POLK: variants seen among roughly 807,000 people sequenced by gnomAD.
POLK encodes polymerase (DNA directed) kappa.
In POLK, 76 loss-of-function variants were observed where a neutral mutation model predicts 94.0. That is an observed-to-expected ratio of 0.81 (90% CI 0.67 to 0.98). The LOEUF (loss-of-function observed/expected upper bound fraction) is 0.98, where lower values mean the gene tolerates loss of function less well. POLK is among the 50% of genes least tolerant of loss of function. The probability of loss-of-function intolerance (pLI) is 0.00; values close to 1 mark genes in which losing one functional copy is unlikely to be tolerated. For synonymous variants in POLK, 349 were observed against 325.4 expected (o/e 1.07, Z -0.78); for missense variants, 954 against 1,010.1 (o/e 0.94, Z 0.75).
chr5:75,582,098 CA>C, intron 7 of POLK: 1 of 986,204 alleles, frequency 1.0e-6, no homozygotes, highest in Non-Finnish European at 1.2e-6. Flanking sequence ...GATTACATTG[CA>C]GGAGAGAACC....
chr5:75,601,529 C>A (rs1234870018), downstream of POLK, among the ~76,000 whole-genome samples: 1 of 152,164 alleles, frequency 6.6e-6, no homozygotes, highest in Non-Finnish European at 1.5e-5. Context: ...TCTGGTTGTG[C>A]ACCATCTAAT....
At chr5:75,607,187 C>T in the POLK span, among the ~76,000 whole-genome samples, 6 of 152,116 alleles carry the variant, frequency 3.9e-5, no homozygotes, top group Non-Finnish European at 8.8e-5. Flanking sequence ...GAAGTACTGG[C>T]CGGGTGCGGT....
At chr5:75,511,238 C>T (rs985517134), upstream of POLK, 2 of 1,609,788 alleles carry the variant, frequency 1.2e-6, no homozygotes, top group Non-Finnish European at 1.7e-6. Flanking sequence ...GGAGACCGGC[C>T]CCCGCTCCCT....
intron 11 of POLK, among the ~76,000 whole-genome samples, chr5:75,591,370 C>T (rs1342688972): frequency 6.6e-6 from 1 of 152,038 alleles, no homozygotes; most frequent in African/African-American, 2.4e-5. Flanking sequence ...TGATGAGTAT[C>T]TTTCTCTATC....
At chr5:75,542,374 A>G (rs1769782102) in intron 1 of POLK, among the ~76,000 whole-genome samples, 1 of 149,506 alleles carries the variant, frequency 6.7e-6, no homozygotes, top group African/African-American at 2.5e-5. Flanking sequence ...CTCTCTTATT[A>G]CTTTTGGTAT....
upstream of POLK, chr5:75,510,970 C>T: frequency 8.5e-7 from 1 of 1,177,884 alleles, no homozygotes; most frequent in Non-Finnish European, 1.1e-6. Flanking sequence ...ATCCCCGCCT[C>T]ATCCCTAGTC....
At chr5:75,550,918 A>G (rs966745391) in intron 2 of POLK, among the ~76,000 whole-genome samples, 1 of 152,142 alleles carries the variant, frequency 6.6e-6, no homozygotes, top group Non-Finnish European at 1.5e-5. Flanking sequence ...CAGTGCAGTC[A>G]GGCAATAAAA....
At chr5:75,571,532 T>C (rs1195316868) in intron 4 of POLK, among the ~76,000 whole-genome samples, 1 of 152,176 alleles carries the variant, frequency 6.6e-6, no homozygotes, top group Non-Finnish European at 1.5e-5. Flanking sequence ...TAACTGAGGC[T>C]AAAAAATCCA....
chr5:75,520,894 T>C (rs1454478117), intron 1 of POLK, among the ~76,000 whole-genome samples: 1 of 152,208 alleles, frequency 6.6e-6, no homozygotes, highest in African/African-American at 2.4e-5. Context: ...AATATAATAT[T>C]CTTCAATGGC....
At position 75,569,595 on chromosome 5, in the gene POLK, G is replaced by C. The variant is rs1319015802; in HGVS notation, c.408+103G>C. The C allele has an allele frequency of 5.8e-6, 6 of 1,030,690 alleles. No individual in the cohort carries two copies. In the South Asian group the frequency reaches 8.2e-5, roughly 14 times the overall value. The allele number at this position is 1,030,690 out of a possible 1,614,324, so 63.8% of individuals were successfully genotyped here. A position where few individuals can be genotyped will look rare whatever the true frequency, so the allele number is the denominator to read the frequency against. On this transcript the variant is annotated intron_variant, in intron 4 of 14. Coordinates refer to ENST00000241436, the Ensembl canonical transcript of POLK. ...CTTTATTGAGGTCTACCAGTTTGCT[G>C]AGTATTTTTCTGGGTGCCTTATATA...
the POLK span, among the ~76,000 whole-genome samples, chr5:75,607,724 C>A: frequency 7.2e-4 from 110 of 152,258 alleles, no homozygotes; most frequent in South Asian, 2.1e-4. Context: ...TTGAGACTTT[C>A]ACAAGAAACA....
rs571999893 is a variant in POLK at position 75,528,214 on chromosome 5, G to A, written c.-14+16300G>A. Among the ~76,000 whole-genome samples, 164 of 151,762 alleles carry A rather than the reference G, an allele frequency of 1.1e-3. 1 individual carries two copies. Among genetic ancestry groups the A allele is most frequent in the Non-Finnish European group, 1.7e-3 (113 of 67,930 alleles). On this transcript the variant is annotated intron_variant, in intron 1 of 14. Transcript: ENST00000241436. ...ATACTCCATGTAAGTAAAAAAATACGGAAGAAAAAATGATTATATAGTTCC... is the reference window on the plus strand; with the variant it reads ...ATACTCCATGTAAGTAAAAAAATACAGAAGAAAAAATGATTATATAGTTCC...
At chr5:75,602,210 A>G (rs984419879), downstream of POLK, among the ~76,000 whole-genome samples, 7 of 152,216 alleles carry the variant, frequency 4.6e-5, no homozygotes, top group Non-Finnish European at 1.0e-4. Flanking sequence ...ATAGGCATGC[A>G]TCACCCATGT....
At chr5:75,525,136 A>G (rs1768773234) in intron 1 of POLK, among the ~76,000 whole-genome samples, 1 of 152,254 alleles carries the variant, frequency 6.6e-6, no homozygotes, top group Admixed American at 6.5e-5. Context: ...ATTACTTGAT[A>G]TATGAGCCAG....
At chr5:75,513,635 G>A (rs2112509200) in intron 1 of POLK, among the ~76,000 whole-genome samples, 1 of 152,266 alleles carries the variant, frequency 6.6e-6, no homozygotes. Flanking sequence ...ACTATTCAAT[G>A]AAATTGAAAA....
chr5:75,577,114 T>A (rs1771925544), intron 6 of POLK, among the ~76,000 whole-genome samples, 181 bp downstream of exon 6: 1 of 152,190 alleles, frequency 6.6e-6, no homozygotes, highest in African/African-American at 2.4e-5. Flanking sequence ...GTTAAACATG[T>A]GGAATATCAC....
Position 75,567,208 on chromosome 5 carries a change from TTATC to T in POLK, c.256-2130_256-2127del, listed in dbSNP as rs199508705. 1.1e-3 allele frequency among the ~76,000 whole-genome samples: 164 copies of T among 152,346 alleles called. 1 individual carries two copies. In the East Asian group the frequency reaches 0.027, roughly 25 times the overall value. On this transcript the variant is annotated intron_variant, in intron 3 of 14. Coordinates refer to ENST00000241436, the Ensembl canonical transcript of POLK. The stretch of plus-strand genomic sequence containing the variant: ...TCCCATTTGACTTGCTTTCTATTTA[TTATC>T]TTTTTCTTTTCTAGATGATTCCATG...
chr5:75,573,972 A>G lies in POLK; in HGVS notation c.540+103A>G. The G allele has an allele frequency of 7.0e-6, 8 of 1,135,266 alleles. No individual in the cohort carries two copies. The South Asian group carries it at 1.1e-4, about 15-fold the overall frequency. The allele number at this position is 1,135,266 out of a possible 1,614,324, so 70.3% of individuals were successfully genotyped here. A position where few individuals can be genotyped will look rare whatever the true frequency, so the allele number is the denominator to read the frequency against. On this transcript the variant is annotated intron_variant, in intron 5 of 14. Transcript: ENST00000241436. ...AGCACGTAGGATTTGGTCTTAGCTT[A>G]TCCTTTCAGTTGAGCCTCCTATCAC...
At chr5:75,529,004 T>C (rs975628302) in intron 1 of POLK, among the ~76,000 whole-genome samples, 3 of 152,206 alleles carry the variant, frequency 2.0e-5, no homozygotes, top group Admixed American at 2.0e-4. Context: ...ATATAACCTT[T>C]ATATAGTATT....
Sources: gnomAD v4.1 joint callset for allele counts (sites outside exome capture counted in the v4.1 genomes callset) on GRCh38, gnomAD v4.1.1 for gene constraint, MANE v1.5 for transcripts, NCBI Gene and HGNC (gene_info 2026-07-23, HGNC 2026-07-21) for gene names.